Variants in CDYL observed in about 807,000 individuals in gnomAD.
CDYL encodes chromodomain Y-like protein.
A neutral mutation model predicts 47.3 loss-of-function variants in CDYL; 8 were observed. That is an observed-to-expected ratio of 0.17 (90% CI 0.10 to 0.31). The LOEUF (loss-of-function observed/expected upper bound fraction) is 0.31. Ranked by LOEUF, CDYL falls within the 10% of genes least tolerant of loss-of-function variation. The probability of loss-of-function intolerance (pLI) is 1.00; values close to 1 mark genes in which losing one functional copy is unlikely to be tolerated. For missense variants in CDYL, 471 were observed against 701.4 expected, an observed-to-expected ratio of 0.67 and a Z score of 3.71; for synonymous variants, 266 against 265.0, an observed-to-expected ratio of 1.00 and a Z score of -0.04.
intron 2 of CDYL, among the ~76,000 whole-genome samples, chr6:4,899,496 G>C (rs1478915883): frequency 6.6e-6 from 1 of 152,194 alleles, no homozygotes; most frequent in Non-Finnish European, 1.5e-5. Context: ...CTTGGGGGTG[G>C]TAAAATGTGG....
At chr6:4,742,739 G>GC (rs1004655017) in intron 3 of CDYL, among the ~76,000 whole-genome samples, 2 of 152,208 alleles carry the variant, frequency 1.3e-5, no homozygotes, top group African/African-American at 4.8e-5. Context: ...CTTGTCCATT[G>GC]CCCCCATGGC....
At chr6:4,741,929 A>T (rs1425349706) in intron 3 of CDYL, among the ~76,000 whole-genome samples, 2 of 152,212 alleles carry the variant, frequency 1.3e-5, no homozygotes, top group African/African-American at 4.8e-5. Flanking sequence ...TCTCTAGGTG[A>T]TGTGCTCGAT....
At chr6:4,851,753 G>A (rs1381318184) in intron 1 of CDYL, among the ~76,000 whole-genome samples, 3 of 152,200 alleles carry the variant, frequency 2.0e-5, no homozygotes, top group Non-Finnish European at 4.4e-5. Context: ...GGCTTTGTCA[G>A]CCTCATGTTA....
intron 1 of CDYL, among the ~76,000 whole-genome samples, chr6:4,863,155 G>A (rs889195672): frequency 1.3e-5 from 2 of 152,102 alleles, no homozygotes; most frequent in African/African-American, 2.4e-5. Context: ...CAGTGGGTAC[G>A]CATGGATGTA....
chr6:4,932,317 A>G (rs958678670), intron 2 of CDYL, among the ~76,000 whole-genome samples: 1 of 152,210 alleles, frequency 6.6e-6, no homozygotes, highest in Non-Finnish European at 1.5e-5. Context: ...TGGTTCACAA[A>G]TAGCACCTTT....
chr6:4,953,795 T>G, intron 6 of CDYL, 103 bp from the exon 7 acceptor site: 1 of 1,074,078 alleles, frequency 9.3e-7, no homozygotes, highest in South Asian at 1.6e-5. Context: ...TTTTAACAGG[T>G]GATTGCTGGA....
At chr6:4,854,877 A>T (rs951447118) in intron 1 of CDYL, among the ~76,000 whole-genome samples, 1 of 152,198 alleles carries the variant, frequency 6.6e-6, no homozygotes, top group African/African-American at 2.4e-5. Context: ...GTTAGGTAAG[A>T]TTAAAGGAAG....
chr6:4,783,620 T>G (rs1758677392), intron 1 of CDYL, among the ~76,000 whole-genome samples: 1 of 152,072 alleles, frequency 6.6e-6, no homozygotes, highest in Admixed American at 6.5e-5. Context: ...TTTCACCATG[T>G]TGGTCAGGCT....
At chr6:4,916,091 A>C (rs1412975460) in intron 2 of CDYL, among the ~76,000 whole-genome samples, 1 of 151,820 alleles carries the variant, frequency 6.6e-6, no homozygotes, top group Non-Finnish European at 1.5e-5. Flanking sequence ...GTCTTTGCCC[A>C]TAACTTCTGT....
intron 3 of CDYL, among the ~76,000 whole-genome samples, chr6:4,755,923 C>T (rs1451914781): frequency 6.6e-6 from 1 of 152,108 alleles, no homozygotes; most frequent in Non-Finnish European, 1.5e-5. Flanking sequence ...TTCTTGTATG[C>T]CTATTTTTGC....
At chr6:4,740,393 G>A (rs1041273545) in intron 3 of CDYL, among the ~76,000 whole-genome samples, 10 of 152,218 alleles carry the variant, frequency 6.6e-5, no homozygotes, top group South Asian at 2.1e-4. Context: ...GGCAGAGGGC[G>A]TTGCTACTAG....
intron 1 of CDYL, among the ~76,000 whole-genome samples, chr6:4,790,510 G>A (rs1039675771): frequency 1.3e-5 from 2 of 152,146 alleles, no homozygotes; most frequent in African/African-American, 2.4e-5. Context: ...GAAAGTAGGC[G>A]GACATTTGAG....
chr6:4,777,515 T>C (rs1758502508), intron 1 of CDYL, among the ~76,000 whole-genome samples: 1 of 152,252 alleles, frequency 6.6e-6, no homozygotes, highest in African/African-American at 2.4e-5. Flanking sequence ...ATGTTTTGTA[T>C]GTCTCCATGT....
At chr6:4,719,145 G>A (rs567011332) in intron 2 of CDYL, among the ~76,000 whole-genome samples, 148 of 151,898 alleles carry the variant, frequency 9.7e-4, no homozygotes, top group African/African-American at 3.0e-3. Flanking sequence ...GGCTGGTCTC[G>A]AACTCCTGAC....
chr6:4,899,863 G>A (rs557880679), intron 2 of CDYL, among the ~76,000 whole-genome samples: 61 of 152,278 alleles, frequency 4.0e-4, no homozygotes, highest in Non-Finnish European at 7.8e-4. Context: ...GTGGAGTCCC[G>A]TGACCATCTC....
intron 5 of CDYL, among the ~76,000 whole-genome samples, chr6:4,951,261 A>G (rs1758694078): frequency 6.6e-6 from 1 of 152,118 alleles, no homozygotes; most frequent in Non-Finnish European, 1.5e-5. Context: ...GTGACATCAG[A>G]GTTGTTAGGA....
intron 1 of CDYL, among the ~76,000 whole-genome samples, chr6:4,841,629 C>T (rs903789432): frequency 2.6e-5 from 4 of 152,020 alleles, no homozygotes; most frequent in East Asian, 1.9e-4. Flanking sequence ...TTAAAATTTC[C>T]GTCTTGATTT....
intron 1 of CDYL, among the ~76,000 whole-genome samples, chr6:4,881,191 T>C (rs808628): frequency 0.05 from 7,546 of 152,228 alleles, 605 homozygotes; most frequent in African/African-American, 0.17. Context: ...GATTTGGGTC[T>C]AGTGTTTTAT....
At chr6:4,829,333 GC>G (rs1760069092) in intron 1 of CDYL, among the ~76,000 whole-genome samples, 1 of 152,140 alleles carries the variant, frequency 6.6e-6, no homozygotes, top group Non-Finnish European at 1.5e-5. Context: ...GGTCACTGAA[GC>G]CTCTGTTCCT....
Sources: gnomAD v4.1 joint callset for allele counts (sites outside exome capture counted in the v4.1 genomes callset) on GRCh38, gnomAD v4.1.1 for gene constraint, MANE v1.5 for transcripts, NCBI Gene and HGNC (gene_info 2026-07-23, HGNC 2026-07-21) for gene names.